The following IL1RAPL1 variants were observed in gnomAD, a reference collection of about 807,000 sequenced individuals.
IL1RAPL1 encodes interleukin 1 receptor accessory protein like 1.
A neutral mutation model predicts 48.4 loss-of-function variants in IL1RAPL1; 3 were observed. The ratio of observed to expected loss-of-function variants is 0.06; its 90% CI spans 0.03 to 0.16. IL1RAPL1 has a LOEUF of 0.16. Among genes scored for constraint, IL1RAPL1 ranks in the 10% least tolerant of loss-of-function variants. The pLI, the probability that IL1RAPL1 is intolerant of heterozygous loss-of-function variation, is 1.00. For synonymous variants in IL1RAPL1, 185 were observed against 187.7 expected, an observed-to-expected ratio of 0.99 and a Z score of 0.12; for missense variants, 349 against 530.6, an observed-to-expected ratio of 0.66 and a Z score of 3.36.
intron 2 of IL1RAPL1, among the ~76,000 whole-genome samples, chrX:28,915,122 C>T (rs1046875240): frequency 9.0e-6 from 1 of 111,434 alleles, no homozygotes; most frequent in African/African-American, 3.3e-5. Context: ...GCCTAGATCC[C>T]TTGCATGCAC....
intron 5 of IL1RAPL1, among the ~76,000 whole-genome samples, chrX:29,462,968 A>G (rs966160284): frequency 1.8e-5 from 2 of 111,970 alleles, no homozygotes; most frequent in African/African-American, 6.5e-5. Context: ...GATAACCTGC[A>G]TGAAATAAAA....
intron 3 of IL1RAPL1, among the ~76,000 whole-genome samples, chrX:29,319,245 G>A (rs1007501858): frequency 4.6e-5 from 5 of 107,902 alleles, no homozygotes; most frequent in Non-Finnish European, 7.7e-5. Flanking sequence ...AGGCTGGAGC[G>A]CAGTGGGGTG....
intron 6 of IL1RAPL1, among the ~76,000 whole-genome samples, chrX:29,821,154 T>A (rs1601839622): frequency 3.6e-5 from 4 of 112,016 alleles, no homozygotes; most frequent in Non-Finnish European, 7.5e-5. Context: ...TGCCCATTAG[T>A]AATTGATCAT....
At chrX:28,968,392 C>T (rs1280847035) in intron 2 of IL1RAPL1, among the ~76,000 whole-genome samples, 1 of 111,170 alleles carries the variant, frequency 9.0e-6, no homozygotes, top group Non-Finnish European at 1.9e-5. Context: ...TTATTTCATA[C>T]TCATGACTTA....
chrX:29,608,656 C>G lies in IL1RAPL1; in HGVS notation c.704-59774C>G, dbSNP rs772728930. Among the ~76,000 whole-genome samples the G allele has an allele frequency of 4.0e-3, 418 of 105,144 alleles. 1 individual carries two copies. Among genetic ancestry groups the G allele is most frequent in the African/African-American group, 0.014 (395 of 28,068 alleles). The allele number at this position is 105,144 out of a possible 115,157, so 91.3% of individuals were successfully genotyped here. On this transcript the variant is annotated intron_variant, in intron 5 of 10. Coordinates refer to ENST00000378993, the MANE Select transcript of IL1RAPL1 (RefSeq NM_014271.4). ...CCTGGCTAACACGGTGAAACCCCGT[C>G]TCTACTAAAAATACAAAAAATTAGC...
chrX:29,838,586 C>A (rs1965200719), intron 6 of IL1RAPL1, among the ~76,000 whole-genome samples: 1 of 111,731 alleles, frequency 9.0e-6, no homozygotes, highest in Non-Finnish European at 1.9e-5. Flanking sequence ...ATTCTGATCA[C>A]AGGGAACAAA....
At chrX:29,795,807 T>G (rs1426335326) in intron 6 of IL1RAPL1, among the ~76,000 whole-genome samples, 3 of 112,749 alleles carry the variant, frequency 2.7e-5, no homozygotes, top group Admixed American at 9.4e-5. Context: ...TCAAACTGGG[T>G]TCTTAGAAAG....
chrX:28,609,964 T>A (rs1000900844), intron 1 of IL1RAPL1, among the ~76,000 whole-genome samples: 3 of 111,750 alleles, frequency 2.7e-5, no homozygotes, highest in Non-Finnish European at 5.6e-5. Flanking sequence ...AAAACTAGCC[T>A]TGCATACAAG....
At chrX:29,141,800 A>G (rs1046250928) in intron 2 of IL1RAPL1, among the ~76,000 whole-genome samples, 10 of 111,684 alleles carry the variant, frequency 9.0e-5, no homozygotes, top group African/African-American at 2.9e-4. Context: ...GTACACCTCT[A>G]TTGTCAAAAA....
chrX:29,948,559 A>G (rs1411487459), intron 9 of IL1RAPL1, among the ~76,000 whole-genome samples: 1 of 111,838 alleles, frequency 8.9e-6, no homozygotes, highest in East Asian at 2.8e-4. Context: ...GAGAAAGCAT[A>G]TGATGGCAAA....
At chrX:29,805,423 A>G (rs1930232929) in intron 6 of IL1RAPL1, among the ~76,000 whole-genome samples, 1 of 110,722 alleles carries the variant, frequency 9.0e-6, no homozygotes, top group South Asian at 3.8e-4. Flanking sequence ...ATGCACGCAC[A>G]CACACACACA....
intron 6 of IL1RAPL1, among the ~76,000 whole-genome samples, chrX:29,859,944 T>A (rs1332104626): frequency 1.4e-4 from 16 of 112,307 alleles, no homozygotes; most frequent in Non-Finnish European, 3.0e-4. Flanking sequence ...ATAAGACGAT[T>A]AGTACAAGAG....
Position 28,927,614 on chromosome X carries a change from CT to C in IL1RAPL1, c.82+138201del, listed in dbSNP as rs1295114643. Among the ~76,000 whole-genome samples the C allele has an allele frequency of 4.6e-3, 478 of 103,084 alleles. 3 individuals are homozygous for C. Among genetic ancestry groups the C allele is most frequent in the African/African-American group, 0.014 (387 of 28,575 alleles). The allele number at this position is 103,084 out of a possible 115,157, so 89.5% of individuals were successfully genotyped here. A position where few individuals can be genotyped will look rare whatever the true frequency, so the allele number is the denominator to read the frequency against. On this transcript the variant is annotated intron_variant, in intron 2 of 10. Coordinates refer to ENST00000378993, the MANE Select transcript of IL1RAPL1 (RefSeq NM_014271.4). ...CTGGTTTTCTTTCCTCCTTTCCTTC[CT>C]TTTTTTTTTTTCTTTCTTGTTTTTG...
chrX:29,853,779 A>T (rs1422903696), intron 6 of IL1RAPL1, among the ~76,000 whole-genome samples: 1 of 111,479 alleles, frequency 9.0e-6, no homozygotes, highest in African/African-American at 3.3e-5. Context: ...AAGTTCTTTA[A>T]TTTCTGAATT....
chrX:28,834,813 G>T (rs1285602143), intron 2 of IL1RAPL1, among the ~76,000 whole-genome samples: 4 of 111,381 alleles, frequency 3.6e-5, no homozygotes, highest in Non-Finnish European at 7.6e-5. Flanking sequence ...GCCAACTGGG[G>T]ATTTGAAATC....
intron 2 of IL1RAPL1, among the ~76,000 whole-genome samples, chrX:28,825,737 G>A (rs1936988013): frequency 9.0e-6 from 1 of 110,989 alleles, no homozygotes; most frequent in South Asian, 3.7e-4. Context: ...GAATAATCAC[G>A]TTGGCCTCCT....
chrX:29,472,756 G>C (rs1302156942), intron 5 of IL1RAPL1, among the ~76,000 whole-genome samples: 1 of 111,637 alleles, frequency 9.0e-6, no homozygotes, highest in Non-Finnish European at 1.9e-5. Context: ...CAGTAAGATG[G>C]GTACTTTTCA....
At chrX:29,319,686 C>T (rs1484691979) in intron 3 of IL1RAPL1, among the ~76,000 whole-genome samples, 3 of 108,474 alleles carry the variant, frequency 2.8e-5, no homozygotes, top group Non-Finnish European at 5.7e-5. Flanking sequence ...CTAAAAACAA[C>T]GAACTAAGAA....
intron 2 of IL1RAPL1, among the ~76,000 whole-genome samples, chrX:29,210,556 A>G (rs1348733075): frequency 2.7e-5 from 3 of 112,350 alleles, no homozygotes. Context: ...CTTCTCTAAT[A>G]AAATGAATGA....
Sources: allele counts gnomAD v4.1 joint callset (sites outside exome capture counted in the v4.1 genomes callset), GRCh38; gene constraint gnomAD v4.1.1; transcripts MANE v1.5; gene names NCBI Gene and HGNC (gene_info 2026-07-23, HGNC 2026-07-21).